FZD3: variants seen among roughly 807,000 people sequenced by gnomAD.
FZD3 encodes the protein frizzled class receptor 3.
A neutral mutation model predicts 60.7 loss-of-function variants in FZD3; 30 were observed. That is an observed-to-expected ratio of 0.49 (90% confidence interval 0.37 to 0.67). The LOEUF (loss-of-function observed/expected upper bound fraction) is 0.67. FZD3 is among the 30% of genes least tolerant of loss of function. The pLI is 0.00. For missense variants in FZD3, 605 were observed against 838.7 expected, an observed-to-expected ratio of 0.72 and a Z score of 3.44; for synonymous variants, 246 against 275.2, an observed-to-expected ratio of 0.89 and a Z score of 1.05.
intron 3 of FZD3, among the ~76,000 whole-genome samples, chr8:28,511,561 A>G (rs1018721693): frequency 6.6e-6 from 1 of 152,212 alleles, no homozygotes; most frequent in Non-Finnish European, 1.5e-5. Flanking sequence ...ATAGACTTTC[A>G]CAAATTGGCT....
Position 28,571,128 on chromosome 8 carries a change from T to C in FZD3, c.*8117T>C, listed in dbSNP as rs1034425171. The stretch of plus-strand genomic sequence containing the variant: ...TGAATCTGAGATTCAAATATTTCAT[T>C]TAATATTTTCTGGGTTTTGATAATG... On this transcript the variant is annotated 3_prime_UTR_variant, in exon 8 of 8. Coordinates refer to ENST00000240093, the MANE Select transcript of FZD3 (RefSeq NM_017412.4). The C allele has an allele frequency of 6.6e-6, 1 of 152,192 alleles. No homozygotes were observed. Among genetic ancestry groups the C allele is most frequent in the Non-Finnish European group, 1.5e-5 (1 of 68,018 alleles). The allele number at this position is 152,192 out of a possible 1,614,324, so 9.4% of individuals were successfully genotyped here. A position where few individuals can be genotyped will look rare whatever the true frequency, so the allele number is the denominator to read the frequency against.
In FZD3 at chr8:28,502,626, G is replaced by A. The variant is rs112452975; in HGVS notation, c.-344-44G>A. On this transcript the variant is annotated intron_variant, in intron 2 of 7. Coordinates refer to ENST00000240093, the MANE Select transcript of FZD3 (RefSeq NM_017412.4). Reference sequence around the variant, plus strand: ...ATGTCAAGTCCATAATACTTTGAGAGGAAATGACTAATTTCTCCCATTTTT... The same window carrying A: ...ATGTCAAGTCCATAATACTTTGAGAAGAAATGACTAATTTCTCCCATTTTT... 1,410 of 156,218 alleles carry A rather than the reference G, an allele frequency of 9.0e-3. 8 individuals carry two copies. Among genetic ancestry groups the A allele is most frequent in the African/African-American group, 0.02 (835 of 41,620 alleles). 9.7% of individuals were successfully genotyped at this position (156,218 alleles called of 1,614,324 possible). A position where few individuals can be genotyped will look rare whatever the true frequency, so the allele number is the denominator to read the frequency against.
intron 5 of FZD3, chr8:28,530,601 C>T (rs1804845944): frequency 6.6e-6 from 1 of 151,900 alleles, no homozygotes; most frequent in Admixed American, 6.6e-5. Context: ...TTTTAAAAGC[C>T]CCTAGTACTA....
chr8:28,512,446 T>C (rs1804313754), intron 3 of FZD3, among the ~76,000 whole-genome samples: 1 of 152,152 alleles, frequency 6.6e-6, no homozygotes, highest in African/African-American at 2.4e-5. Flanking sequence ...AGGACCAACA[T>C]TGGTTGTTCC....
intron 5 of FZD3, among the ~76,000 whole-genome samples, chr8:28,528,617 G>A (rs1804782115): frequency 6.6e-6 from 1 of 152,086 alleles, no homozygotes; most frequent in African/African-American, 2.4e-5. Flanking sequence ...AATATTTTGT[G>A]ATTTCTTTTT....
Position 28,520,093 on chromosome 8 carries a change from G to A in FZD3, c.190-545G>A, listed in dbSNP as rs142530031. Among the ~76,000 whole-genome samples, 1,402 of 150,672 alleles carry A rather than the reference G, an allele frequency of 9.3e-3. 9 individuals are homozygous for A. The highest frequency in any genetic ancestry group is 0.02 in the African/African-American group (835 of 41,008). ...GGCATGGTGGTGCATGCCTATAATC[G>A]CAGCTACTCAGGAGGCTGAGGCAGG... On this transcript the variant is annotated intron_variant, in intron 3 of 7. Transcript: ENST00000240093.
intron 3 of FZD3, among the ~76,000 whole-genome samples, chr8:28,512,725 A>T (rs986888484): frequency 1.3e-5 from 2 of 152,168 alleles, no homozygotes; most frequent in African/African-American, 4.8e-5. Flanking sequence ...ACCGCAAAAA[A>T]GCAAAGTGCT....
chr8:28,544,916 A>G (rs1019569898), intron 5 of FZD3, among the ~76,000 whole-genome samples: 1 of 152,176 alleles, frequency 6.6e-6, no homozygotes, highest in East Asian at 1.9e-4. Context: ...CCTGATGGGA[A>G]CTGCAGAGTC....
chr8:28,535,222 CT>C (rs527735924), intron 5 of FZD3, among the ~76,000 whole-genome samples: 3,270 of 151,154 alleles, frequency 0.022, 104 homozygotes, highest in African/African-American at 0.075. Flanking sequence ...GTTTCACTGG[CT>C]TTTTTTTTCT....
chr8:28,497,362 G>A (rs934344353), intron 1 of FZD3, among the ~76,000 whole-genome samples: 1 of 152,162 alleles, frequency 6.6e-6, no homozygotes, highest in Non-Finnish European at 1.5e-5. Flanking sequence ...TAGGCAAAGG[G>A]CCAAAGACTA....
rs1805681254 is a variant in FZD3 at position 28,564,957 on chromosome 8, T to C, written c.*1946T>C. 2 of 152,190 alleles carry C rather than the reference T, an allele frequency of 1.3e-5. No homozygotes were observed. Among genetic ancestry groups the C allele is most frequent in the South Asian group, 4.1e-4 (2 of 4,838 alleles). The allele number at this position is 152,190 out of a possible 1,614,324, so 9.4% of individuals were successfully genotyped here. On this transcript the variant is annotated 3_prime_UTR_variant, in exon 8 of 8. Coordinates refer to ENST00000240093, the MANE Select transcript of FZD3 (RefSeq NM_017412.4). ...AAAGCTCTTTGAAAACTGTAAAGCA[T>C]TATGAATGATAAGGGATTAGGTTAT...
At position 28,569,974 on chromosome 8, in the gene FZD3, AAAAG is replaced by A. The variant is rs1805775384; in HGVS notation, c.*6967_*6970del. The A allele has an allele frequency of 6.6e-6, 1 of 151,956 alleles. No homozygotes were observed. Among genetic ancestry groups the A allele is most frequent in the Non-Finnish European group, 1.5e-5 (1 of 68,038 alleles). The allele number at this position is 151,956 out of a possible 1,614,324, so 9.4% of individuals were successfully genotyped here. Reference sequence around the variant, plus strand: ...CAATATTAAAATAATTATAAAATGTAAAAGAAATTTCAGAGGAGTTGATTGAAAA... The same window carrying A: ...CAATATTAAAATAATTATAAAATGTAAAATTTCAGAGGAGTTGATTGAAAA... On this transcript the variant is annotated 3_prime_UTR_variant, in exon 8 of 8. Transcript: ENST00000240093.
chr8:28,538,026 A>G (rs1805063296), intron 5 of FZD3, among the ~76,000 whole-genome samples: 1 of 151,884 alleles, frequency 6.6e-6, no homozygotes, highest in Non-Finnish European at 1.5e-5. Flanking sequence ...CTGAGGCAGG[A>G]GAATCACTTG....
intron 5 of FZD3, among the ~76,000 whole-genome samples, chr8:28,529,695 A>G (rs1431105556): frequency 6.6e-6 from 1 of 152,166 alleles, no homozygotes; most frequent in East Asian, 1.9e-4. Flanking sequence ...TTTTATCATT[A>G]TATTAGCTAC....
At position 28,542,091 on chromosome 8, in the gene FZD3, CTTT is replaced by C. The variant is rs61301257; in HGVS notation, c.1405-9495_1405-9493del. ...TTCCTGTTACTCTTAGAATGAAATC[CTTT>C]TTTTTTTTTTTTTTTTAACTACTCC... On this transcript the variant is annotated intron_variant, in intron 5 of 7. Transcript: ENST00000240093. Among the ~76,000 whole-genome samples the C allele has an allele frequency of 5.6e-3, 749 of 133,532 alleles. 10 individuals are homozygous for C. Among genetic ancestry groups the C allele is most frequent in the African/African-American group, 0.018 (665 of 36,544 alleles). The allele number at this position is 133,532 out of a possible 152,430, so 87.6% of individuals were successfully genotyped here.
chr8:28,495,784 G>A (rs1274959064), intron 1 of FZD3, among the ~76,000 whole-genome samples: 2 of 152,096 alleles, frequency 1.3e-5, no homozygotes, highest in East Asian at 3.8e-4. Flanking sequence ...TGACTGGGTG[G>A]GGCTGGAAGG....
intron 5 of FZD3, among the ~76,000 whole-genome samples, chr8:28,533,082 A>G (rs1385319970): frequency 6.6e-6 from 1 of 152,068 alleles, no homozygotes; most frequent in Non-Finnish European, 1.5e-5. Context: ...ATTTCATCTA[A>G]CTTTTTAAAT....
chr8:28,540,171 A>C (rs1001053871), intron 5 of FZD3, among the ~76,000 whole-genome samples: 15 of 152,194 alleles, frequency 9.9e-5, no homozygotes, highest in Non-Finnish European at 1.9e-4. Flanking sequence ...CAGCAAGTAG[A>C]TGCTGATGTC....
rs757579616 is a variant in FZD3 at position 28,502,891 on chromosome 8, T to C, written c.-123T>C. 4.0e-5 allele frequency: 25 copies of C among 620,782 alleles called. No homozygotes were observed. Among genetic ancestry groups the C allele is most frequent in the Middle Eastern group, 3.1e-4 (1 of 3,264 alleles). 38.5% of individuals were successfully genotyped at this position (620,782 alleles called of 1,614,324 possible). ...GACGGTGCGAAGAGTATTTAACTGT[T>C]TGAAGAATTTAACAGTAAGATACAG... On this transcript the variant is annotated 5_prime_UTR_variant, in exon 3 of 8. Transcript: ENST00000240093.
Sources: gnomAD v4.1 joint callset for allele counts (sites outside exome capture counted in the v4.1 genomes callset) on GRCh38, gnomAD v4.1.1 for gene constraint, MANE v1.5 for transcripts, NCBI Gene and HGNC (gene_info 2026-07-23, HGNC 2026-07-21) for gene names.